MSI2: variants seen among roughly 807,000 people sequenced by gnomAD.
MSI2 encodes RNA-binding protein Musashi homolog 2.
In MSI2, 17 loss-of-function variants were observed where a neutral mutation model predicts 45.6. The observed-to-expected ratio is 0.37, with a 90% CI of 0.26 to 0.56. The LOEUF (loss-of-function observed/expected upper bound fraction) is 0.56, where lower values mean the gene tolerates loss of function less well. MSI2 is among the 20% of genes least tolerant of loss of function. The probability of loss-of-function intolerance (pLI) is 0.77; values close to 1 mark genes in which losing one functional copy is unlikely to be tolerated. For synonymous variants in MSI2, 156 were observed against 158.2 expected, an observed-to-expected ratio of 0.99 and a Z score of 0.11; for missense variants, 293 against 444.2, an observed-to-expected ratio of 0.66 and a Z score of 3.06.
chr17:57,301,171 T>C (rs1160119528), intron 5 of MSI2, among the ~76,000 whole-genome samples: 1 of 152,210 alleles, frequency 6.6e-6, no homozygotes, highest in Admixed American at 6.5e-5. Flanking sequence ...TTTTCTAGAA[T>C]AAATCTTGCT....
chr17:57,345,569 G>A (rs990412533), intron 5 of MSI2, among the ~76,000 whole-genome samples: 6 of 151,868 alleles, frequency 4.0e-5, no homozygotes, highest in South Asian at 2.1e-4. Flanking sequence ...GGTGGCTCTC[G>A]CCTGTATTGG....
intron 6 of MSI2, among the ~76,000 whole-genome samples, chr17:57,421,804 CTA>C (rs2143297833): frequency 6.6e-6 from 1 of 152,258 alleles, no homozygotes; most frequent in African/African-American, 2.4e-5. Context: ...CTGCAGTGAG[CTA>C]TGATTGTACC....
chr17:57,314,371 GA>G (rs933613956), intron 5 of MSI2, among the ~76,000 whole-genome samples: 4 of 152,102 alleles, frequency 2.6e-5, no homozygotes, highest in African/African-American at 7.2e-5. Context: ...GTTTTTCAAG[GA>G]GATGGAGTAA....
chr17:57,565,645 T>C lies in MSI2; in HGVS notation c.455-31223T>C, dbSNP rs751794904. Among the ~76,000 whole-genome samples, 68 of 145,982 alleles carry C rather than the reference T, an allele frequency of 4.7e-4. 1 individual carries two copies. Among genetic ancestry groups the C allele is most frequent in the Admixed American group, 4.1e-4 (6 of 14,598 alleles). ...AGGGCACTCTCTGAAGACAAAGACATGTTTTATTTTATACCCCCTCGACTA... is the reference window on the plus strand; with the variant it reads ...AGGGCACTCTCTGAAGACAAAGACACGTTTTATTTTATACCCCCTCGACTA... On this transcript the variant is annotated intron_variant, in intron 7 of 13. Coordinates refer to ENST00000284073, the MANE Select transcript of MSI2 (RefSeq NM_138962.4).
rs145331632 is a variant in MSI2 at position 57,434,651 on chromosome 17, T to C, written c.405+33180T>C. The stretch of plus-strand genomic sequence containing the variant: ...AAGATTCCACATGTAAGTGAGATCA[T>C]GTAATATTTGTCTTTCTGTACCTGC... On this transcript the variant is annotated intron_variant, in intron 6 of 13. Coordinates refer to ENST00000284073, the MANE Select transcript of MSI2 (RefSeq NM_138962.4). 8.5e-5 allele frequency among the ~76,000 whole-genome samples: 13 copies of C among 152,308 alleles called. No homozygotes were observed. In the East Asian group the frequency reaches 2.5e-3, roughly 29 times the overall value.
intron 7 of MSI2, among the ~76,000 whole-genome samples, chr17:57,561,556 A>G (rs1349751274): frequency 6.6e-6 from 1 of 152,220 alleles, no homozygotes; most frequent in African/African-American, 2.4e-5. Flanking sequence ...GGAAGCAATA[A>G]GAATTGTTTG....
chr17:57,583,687 T>C (rs896260270), intron 7 of MSI2, among the ~76,000 whole-genome samples: 2 of 152,172 alleles, frequency 1.3e-5, no homozygotes, highest in African/African-American at 2.4e-5. Context: ...TTCCCCAGGC[T>C]GGTCTCAAAC....
At chr17:57,485,581 A>T (rs2085737613) in intron 6 of MSI2, among the ~76,000 whole-genome samples, 1 of 152,188 alleles carries the variant, frequency 6.6e-6, no homozygotes, top group Non-Finnish European at 1.5e-5. Flanking sequence ...GTGATTCAAC[A>T]GTTGGGGAAA....
intron 10 of MSI2, among the ~76,000 whole-genome samples, chr17:57,647,478 A>G (rs1477256197): frequency 1.3e-5 from 2 of 151,304 alleles, no homozygotes; most frequent in Non-Finnish European, 2.9e-5. Context: ...GGAAAAAGAA[A>G]GAAATTCAGG....
Position 57,299,421 on chromosome 17 carries a change from G to A in MSI2, c.312+37229G>A, listed in dbSNP as rs561471731. Among the ~76,000 whole-genome samples, 155 of 152,312 alleles carry A rather than the reference G, an allele frequency of 1.0e-3. 1 individual carries two copies. Among genetic ancestry groups the A allele is most frequent in the African/African-American group, 3.6e-3 (150 of 41,552 alleles). On this transcript the variant is annotated intron_variant, in intron 5 of 13. Coordinates refer to ENST00000284073, the MANE Select transcript of MSI2 (RefSeq NM_138962.4). The stretch of plus-strand genomic sequence containing the variant: ...AAGCCTTCCTAGCTTTTGATTTAAA[G>A]TGAGAGACACGTAACTCCTCCTTTC...
At chr17:57,557,145 A>C (rs984281185) in intron 7 of MSI2, among the ~76,000 whole-genome samples, 1 of 152,224 alleles carries the variant, frequency 6.6e-6, no homozygotes, top group Non-Finnish European at 1.5e-5. Flanking sequence ...AGCCAAAGGC[A>C]TGGCAGATGG....
At chr17:57,576,920 C>T (rs1027005096) in intron 7 of MSI2, among the ~76,000 whole-genome samples, 4 of 151,852 alleles carry the variant, frequency 2.6e-5, no homozygotes, top group Non-Finnish European at 4.4e-5. Flanking sequence ...CTGCTAAGGA[C>T]GCCACCACAA....
At chr17:57,617,841 C>T (rs1424800999) in intron 9 of MSI2, among the ~76,000 whole-genome samples, 3 of 152,070 alleles carry the variant, frequency 2.0e-5, no homozygotes, top group Non-Finnish European at 2.9e-5. Context: ...GAGGCCGAGG[C>T]AGATGGATCA....
intron 6 of MSI2, among the ~76,000 whole-genome samples, chr17:57,499,582 A>G (rs1455081140): frequency 6.6e-6 from 1 of 152,216 alleles, no homozygotes; most frequent in Admixed American, 6.5e-5. Context: ...CCGGTTATCT[A>G]TTGATGCATA....
At position 57,684,325 on chromosome 17, in the gene MSI2, T is replaced by A. The variant is rs1913799111; in HGVS notation, c.*4808T>A. ...TAAGCGTTTCATGTGGACATAAATG[T>A]ATCTAAATAAAACTTTCCCTAGCAC... On this transcript the variant is annotated 3_prime_UTR_variant, in exon 14 of 14. Transcript: ENST00000284073. 15 of 192,176 alleles carry A rather than the reference T, an allele frequency of 7.8e-5. No individual in the cohort carries two copies. In the Admixed American group the frequency reaches 9.2e-4, roughly 12 times the overall value. The allele number at this position is 192,176 out of a possible 1,614,324, so 11.9% of individuals were successfully genotyped here.
chr17:57,647,536 C>G (rs113018921), intron 10 of MSI2, among the ~76,000 whole-genome samples: 5,846 of 152,080 alleles, frequency 0.038, 116 homozygotes, highest in Middle Eastern at 0.061. Context: ...ACCTTGGAGA[C>G]AGTGGAACAC....
At chr17:57,342,587 T>G (rs1016470108) in intron 5 of MSI2, among the ~76,000 whole-genome samples, 6 of 152,222 alleles carry the variant, frequency 3.9e-5, no homozygotes, top group Non-Finnish European at 8.8e-5. Context: ...GACTGTCCGT[T>G]CTTCATTTTA....
intron 5 of MSI2, among the ~76,000 whole-genome samples, chr17:57,286,239 T>TC: frequency 1.3e-5 from 2 of 152,150 alleles, no homozygotes; most frequent in East Asian, 3.8e-4. Flanking sequence ...AGTCTTTTTT[T>TC]TTTTTTCCTC....
chr17:57,331,789 A>G (rs1335580847), intron 5 of MSI2, among the ~76,000 whole-genome samples: 2 of 152,070 alleles, frequency 1.3e-5, no homozygotes, highest in East Asian at 3.9e-4. Flanking sequence ...TTTACAGAGA[A>G]TTTTTTTTAA....
Sources: allele counts gnomAD v4.1 joint callset (sites outside exome capture counted in the v4.1 genomes callset), GRCh38; gene constraint gnomAD v4.1.1; transcripts MANE v1.5; gene names NCBI Gene and HGNC (gene_info 2026-07-23, HGNC 2026-07-21).